Variants in ZMYM2 observed in about 807,000 individuals in gnomAD.
ZMYM2 encodes zinc finger MYM-type containing 2.
A neutral mutation model predicts 162.8 loss-of-function variants in ZMYM2; 56 were observed. The ratio of observed to expected loss-of-function variants is 0.34; its 90% confidence interval spans 0.28 to 0.43. ZMYM2 has a LOEUF of 0.43. Among genes scored for constraint, ZMYM2 ranks in the 20% least tolerant of loss-of-function variants. The pLI is 1.00. For synonymous variants in ZMYM2, 510 were observed against 541.6 expected, an observed-to-expected ratio of 0.94 and a Z score of 0.81; for missense variants, 1,275 against 1,621.8, an observed-to-expected ratio of 0.79 and a Z score of 3.67.
Position 20,052,019 on chromosome 13 carries a change from A to G in ZMYM2, c.2459-258A>G, listed in dbSNP as rs554615847. ...TTAAAAAAAATATCATTTAAGATAT[A>G]AATCTAAGAATATATAATAGTATTT... On this transcript the variant is annotated intron_variant, in intron 13 of 24. Coordinates refer to ENST00000610343, the MANE Select transcript of ZMYM2 (RefSeq NM_197968.4). Among the ~76,000 whole-genome samples, 171 of 152,270 alleles carry G rather than the reference A, an allele frequency of 1.1e-3. 1 individual carries two copies. In the Middle Eastern group the frequency reaches 0.017, roughly 15 times the overall value.
chr13:20,021,396 G>A (rs1276025338), intron 7 of ZMYM2, among the ~76,000 whole-genome samples: 1 of 112,838 alleles, frequency 8.9e-6, no homozygotes, highest in Non-Finnish European at 1.8e-5. Context: ...CAAAATGCCT[G>A]TCATTTTTAA....
intron 2 of ZMYM2, among the ~76,000 whole-genome samples, chr13:19,964,748 GA>G (rs1955588946): frequency 1.3e-5 from 2 of 151,562 alleles, no homozygotes; most frequent in South Asian, 4.2e-4. Context: ...TGTTCCTAGT[GA>G]ATTTCAAGGT....
chr13:19,879,858 T>G, the ZMYM2 span, among the ~76,000 whole-genome samples: 1 of 152,338 alleles, frequency 6.6e-6, no homozygotes, highest in South Asian at 2.1e-4. Flanking sequence ...GATTAGCATT[T>G]GAGTCAGGAG....
chr13:19,884,156 TTA>T, the ZMYM2 span, among the ~76,000 whole-genome samples: 39 of 152,106 alleles, frequency 2.6e-4, no homozygotes, highest in Admixed American at 2.4e-3. Flanking sequence ...TTGCTTGAGC[TTA>T]TGAGTTTTAC....
intron 2 of ZMYM2, among the ~76,000 whole-genome samples, chr13:19,987,665 A>G (rs1351112074): frequency 7.2e-4 from 79 of 109,622 alleles, no homozygotes; most frequent in African/African-American, 1.2e-3. Context: ...GTGTATAGGA[A>G]AGATGGGGTT....
the ZMYM2 span, among the ~76,000 whole-genome samples, chr13:19,888,414 C>T: frequency 6.6e-6 from 1 of 151,872 alleles, no homozygotes; most frequent in Non-Finnish European, 1.5e-5. Flanking sequence ...GTCTCAAACT[C>T]CTAGGCTCAA....
chr13:19,907,117 C>G, the ZMYM2 span, among the ~76,000 whole-genome samples: 1 of 152,188 alleles, frequency 6.6e-6, no homozygotes. Flanking sequence ...GTAGAAACAT[C>G]TATCTATTAT....
chr13:19,945,970 A>AAC, the ZMYM2 span, among the ~76,000 whole-genome samples: 1 of 147,006 alleles, frequency 6.8e-6, no homozygotes, highest in Non-Finnish European at 1.5e-5. Context: ...AAAAAAAAAA[A>AAC]AAAAGAGAAG....
At chr13:20,021,125 G>A (rs889237260) in intron 7 of ZMYM2, among the ~76,000 whole-genome samples, 2 of 151,870 alleles carry the variant, frequency 1.3e-5, no homozygotes, top group Non-Finnish European at 1.5e-5. Context: ...GCAGGTGCCC[G>A]CCACCATGCC....
At chr13:19,877,825 G>C in the ZMYM2 span, among the ~76,000 whole-genome samples, 1 of 152,100 alleles carries the variant, frequency 6.6e-6, no homozygotes, top group Non-Finnish European at 1.5e-5. Flanking sequence ...CCACATTTTA[G>C]CTACTGTGAA....
In ZMYM2 at chr13:20,085,811, C is replaced by T. The variant is rs376205949; in HGVS notation, c.3942-11C>T. On this transcript the variant is annotated splice_polypyrimidine_tract_variant and intron_variant, in intron 24 of 24. Coordinates refer to ENST00000610343, the MANE Select transcript of ZMYM2 (RefSeq NM_197968.4). ...AATTGACTTTTTCTCTTTTTCCTCC[C>T]GCCTCCAAAGTCCACAGAATCTTAA... 5.0e-5 allele frequency: 79 copies of T among 1,564,880 alleles called. No homozygotes were observed. Among genetic ancestry groups the T allele is most frequent in the Middle Eastern group, 1.7e-4 (1 of 5,834 alleles).
At chr13:19,866,446 A>T in the ZMYM2 span, among the ~76,000 whole-genome samples, 4 of 152,068 alleles carry the variant, frequency 2.6e-5, no homozygotes, top group South Asian at 2.1e-4. Flanking sequence ...CGGGCAGATC[A>T]CCTGAGGTCA....
intron 22 of ZMYM2, among the ~76,000 whole-genome samples, chr13:20,082,342 C>A (rs576606437): frequency 3.9e-5 from 6 of 152,282 alleles, no homozygotes; most frequent in African/African-American, 1.4e-4. Context: ...GAAATGTAAT[C>A]TACTTTCTCT....
intron 3 of ZMYM2, 119 bp downstream of exon 3, chr13:19,994,038 A>C: frequency 8.5e-7 from 1 of 1,183,248 alleles, no homozygotes; most frequent in Non-Finnish European, 1.2e-6. Flanking sequence ...TATGTGAATT[A>C]TATTGAATTT....
chr13:19,912,082 C>T, the ZMYM2 span, among the ~76,000 whole-genome samples: 2 of 152,214 alleles, frequency 1.3e-5, no homozygotes, highest in Admixed American at 6.5e-5. Context: ...GATGTGGTTT[C>T]ATTGCTTGAG....
the ZMYM2 span, among the ~76,000 whole-genome samples, chr13:19,933,960 C>T: frequency 6.6e-6 from 1 of 152,148 alleles, no homozygotes; most frequent in African/African-American, 2.4e-5. Flanking sequence ...GTGCATTTAA[C>T]CCATTTACAA....
chr13:19,960,415 A>G (rs1383058535), intron 2 of ZMYM2, among the ~76,000 whole-genome samples: 1 of 152,236 alleles, frequency 6.6e-6, no homozygotes, highest in African/African-American at 2.4e-5. Context: ...TCTTCCTTAA[A>G]CAATGGCTAA....
chr13:20,026,794 A>C (rs1351084275), intron 8 of ZMYM2, 32 bp downstream of exon 8: 8 of 1,556,508 alleles, frequency 5.1e-6, no homozygotes, highest in Middle Eastern at 1.9e-4. Flanking sequence ...AGTTAAAAAA[A>C]CTTTACAACG....
At position 20,036,728 on chromosome 13, in the gene ZMYM2, A is replaced by G; in HGVS notation, c.2120-9A>G. 2.7e-6 allele frequency: 4 copies of G among 1,506,874 alleles called. No homozygotes were observed. The highest frequency in any genetic ancestry group is 3.5e-6 in the Non-Finnish European group (4 of 1,129,426). 93.3% of individuals were successfully genotyped at this position (1,506,874 alleles called of 1,614,324 possible). ...TTTTGTTTTAATATATAAATCTTAT[A>G]TTTTTCAGGCTGCAAATTATTATAC... On this transcript the variant is annotated splice_polypyrimidine_tract_variant and intron_variant, in intron 11 of 24. Transcript: ENST00000610343.
Sources: allele counts gnomAD v4.1 joint callset (sites outside exome capture counted in the v4.1 genomes callset), GRCh38; gene constraint gnomAD v4.1.1; transcripts MANE v1.5; gene names NCBI Gene and HGNC (gene_info 2026-07-23, HGNC 2026-07-21).